FBXO43: variants seen among roughly 807,000 people sequenced by gnomAD.
The protein encoded by FBXO43 is F-box only protein 43.
FBXO43 carries 22 observed loss-of-function variants against 56.7 expected under a neutral mutation model. The observed-to-expected ratio is 0.39, with a 90% CI of 0.28 to 0.55. The LOEUF is 0.55. Ranked by LOEUF, FBXO43 falls within the 20% of genes least tolerant of loss-of-function variation. The pLI is 0.66. For missense variants in FBXO43, 733 were observed against 814.9 expected (o/e 0.90, Z 1.22); for synonymous variants, 306 against 294.5 (o/e 1.04, Z -0.40).
chr8:100,134,481 C>A (rs2132117358), intron 3 of FBXO43, 117 bp from the exon 4 acceptor site: 1 of 688,944 alleles, frequency 1.5e-6, no homozygotes, highest in Non-Finnish European at 2.3e-6. Context: ...GAATTCTCTC[C>A]CTAGGCTGTT....
At chr8:100,144,714 G>C (rs560768077) in intron 1 of FBXO43, among the ~76,000 whole-genome samples, 123 of 151,360 alleles carry the variant, frequency 8.1e-4, no homozygotes, top group African/African-American at 2.8e-3. Context: ...GGCGGATCAC[G>C]AGGTCAGGAG....
At chr8:100,135,097 CG>C (rs1313522643) in intron 3 of FBXO43, among the ~76,000 whole-genome samples, 1 of 152,082 alleles carries the variant, frequency 6.6e-6, no homozygotes, top group African/African-American at 2.4e-5. Flanking sequence ...TACACTAGAA[CG>C]GAAGTGTAAT....
At chr8:100,138,341 T>C (rs1387662432) in intron 2 of FBXO43, among the ~76,000 whole-genome samples, 2 of 152,192 alleles carry the variant, frequency 1.3e-5, no homozygotes, top group South Asian at 2.1e-4. Flanking sequence ...TCAGAAAAGA[T>C]TGAAATAAGT....
rs1241416875 is a variant in FBXO43 at position 100,133,905 on chromosome 8, T to C, written c.2024A>G (p.Tyr675Cys). The C allele has an allele frequency of 6.2e-7, 1 of 1,614,070 alleles. No homozygotes were observed. The highest frequency in any genetic ancestry group is 8.5e-7 in the Non-Finnish European group (1 of 1,180,040). ...TCTACTACATTCTTCAGACCCATGA[T>C]AAGCACACAGACATAACACACAAAA... ...FDFCVLCLCA[Y>C]HGSEECSRGA... The change falls in exon 5 of 5, where the codon TAT (tyrosine) becomes TGT (cysteine). Residue 675 changes from tyrosine to cysteine, a missense_variant. Transcript: ENST00000428847.
upstream of FBXO43, among the ~76,000 whole-genome samples, chr8:100,147,710 G>A (rs1468863555): frequency 3.9e-5 from 6 of 152,220 alleles, no homozygotes; most frequent in African/African-American, 1.4e-4. Flanking sequence ...GGGTGGAGCA[G>A]AACCAAGATG....
upstream of FBXO43, chr8:100,145,872 C>G (rs1814820032): frequency 6.5e-6 from 1 of 152,728 alleles, no homozygotes; most frequent in African/African-American, 2.4e-5. Context: ...GCCGCGCTGT[C>G]CCGCCCCTTC....
upstream of FBXO43, among the ~76,000 whole-genome samples, chr8:100,147,005 G>A (rs886253729): frequency 1.4e-4 from 21 of 152,130 alleles, no homozygotes; most frequent in African/African-American, 4.8e-4. Flanking sequence ...CCGCCACCAC[G>A]CCTAGCTAAT....
In FBXO43 at chr8:100,145,243, G is replaced by A. The variant is rs2132148102; in HGVS notation, c.-108C>T. The A allele has an allele frequency of 9.1e-6, 7 of 767,380 alleles. No homozygotes were observed. Among genetic ancestry groups the A allele is most frequent in the East Asian group, 2.9e-5 (1 of 33,904 alleles). The allele number at this position is 767,380 out of a possible 1,614,324, so 47.5% of individuals were successfully genotyped here. On this transcript the variant is annotated 5_prime_UTR_variant, in exon 1 of 5. Transcript: ENST00000428847. Reference sequence around the variant, plus strand: ...TCGAAGGGTACACAGGGTGCATGCCGCAGGGATTATTCCTAACACTTGAGA... The same window carrying A: ...TCGAAGGGTACACAGGGTGCATGCCACAGGGATTATTCCTAACACTTGAGA...
At chr8:100,137,504 G>A in intron 3 of FBXO43, 61 bp downstream of exon 3, 1 of 1,122,750 alleles carries the variant, frequency 8.9e-7, no homozygotes, top group Non-Finnish European at 1.3e-6. Context: ...AGGTTGTCTA[G>A]CAACATGAGA....
At chr8:100,143,086 AGT>A (rs935548025) in intron 1 of FBXO43, among the ~76,000 whole-genome samples, 1 of 152,190 alleles carries the variant, frequency 6.6e-6, no homozygotes, top group Non-Finnish European at 1.5e-5. Context: ...ACTTTTCAAC[AGT>A]GTCATCACAT....
At position 100,141,576 on chromosome 8, in the gene FBXO43, A is replaced by C; in HGVS notation, c.678T>G (p.Asn226Lys). ...TTGTGGAAGTCTTTTGCTGAGAAAA[A>C]TTAAGCCTCAATTTTTGACTGCATG... ...VTSCSQKLRL[N>K]FSQQKTSTID... Residue 226 changes from asparagine to lysine, a missense_variant, in exon 2 of 5, where the codon AAT (asparagine) becomes AAG (lysine). Transcript: ENST00000428847. The C allele has an allele frequency of 6.2e-7, 1 of 1,611,802 alleles. No homozygotes were observed. Among genetic ancestry groups the C allele is most frequent in the Non-Finnish European group, 8.5e-7 (1 of 1,180,018 alleles).
upstream of FBXO43, among the ~76,000 whole-genome samples, chr8:100,146,023 T>C (rs1198597350): frequency 1.3e-5 from 2 of 152,204 alleles, no homozygotes; most frequent in Non-Finnish European, 2.9e-5. Flanking sequence ...ATTCCCACTT[T>C]GGGAAGCATT....
At chr8:100,149,785 T>C (rs1042452694), upstream of FBXO43, among the ~76,000 whole-genome samples, 8 of 152,230 alleles carry the variant, frequency 5.3e-5, no homozygotes, top group Admixed American at 4.6e-4. Flanking sequence ...CGCCTACTTC[T>C]TTCACTAACT....
intron 2 of FBXO43, among the ~76,000 whole-genome samples, chr8:100,140,252 T>C (rs2132130913): frequency 6.6e-6 from 1 of 152,274 alleles, no homozygotes; most frequent in East Asian, 1.9e-4. Flanking sequence ...GGGTGGATCT[T>C]GAGGTCAGGA....
chr8:100,138,275 C>A (rs546700335), intron 2 of FBXO43, among the ~76,000 whole-genome samples: 1 of 152,186 alleles, frequency 6.6e-6, no homozygotes, highest in African/African-American at 2.4e-5. Flanking sequence ...AAAAGTAAGA[C>A]TTTGACTATT....
At chr8:100,150,530 T>C (rs1196566010), upstream of FBXO43, 1 of 152,310 alleles carries the variant, frequency 6.6e-6, no homozygotes, top group African/African-American at 2.4e-5. Flanking sequence ...GCCCCTGCTT[T>C]ACCGCCTTTG....
chr8:100,137,418 G>C (rs1169893395), intron 3 of FBXO43, 147 bp downstream of exon 3: 1 of 585,642 alleles, frequency 1.7e-6, no homozygotes, highest in African/African-American at 1.9e-5. Context: ...TGAAAATTGA[G>C]TTTGGGAAAA....
At chr8:100,137,524 A>G in intron 3 of FBXO43, 41 bp downstream of exon 3, 1 of 1,333,596 alleles carries the variant, frequency 7.5e-7, no homozygotes, top group South Asian at 1.2e-5. Context: ...ATTATTATGT[A>G]TTTATACAAA....
At chr8:100,137,451 T>C (rs1006891018) in intron 3 of FBXO43, 114 bp downstream of exon 3, 4 of 661,212 alleles carry the variant, frequency 6.0e-6, no homozygotes, top group Non-Finnish European at 1.0e-5. Context: ...TGAGTGAATG[T>C]TTGTTAAATG....
Sources: allele counts gnomAD v4.1 joint callset (sites outside exome capture counted in the v4.1 genomes callset), GRCh38; gene constraint gnomAD v4.1.1; transcripts MANE v1.5; gene names NCBI Gene and HGNC (gene_info 2026-07-23, HGNC 2026-07-21).